GABRB1: variants seen among roughly 807,000 people sequenced by gnomAD.
GABRB1 encodes gamma-aminobutyric acid type A receptor subunit beta1, also known as gamma-aminobutyric acid receptor subunit beta-1.
GABRB1 carries 17 observed loss-of-function variants against 51.6 expected under a neutral mutation model. The ratio of observed to expected loss-of-function variants is 0.33; its 90% CI spans 0.23 to 0.49. The LOEUF (loss-of-function observed/expected upper bound fraction) is 0.49, where lower values mean the gene tolerates loss of function less well. Ranked by LOEUF, GABRB1 falls within the 20% of genes least tolerant of loss-of-function variation. GABRB1 has a pLI of 0.99. For synonymous variants in GABRB1, 247 were observed against 218.9 expected (o/e 1.13, Z -1.14); for missense variants, 410 against 600.6 (o/e 0.68, Z 3.32).
At chr4:47,254,952 A>G (rs1218696249) in intron 4 of GABRB1, among the ~76,000 whole-genome samples, 1 of 152,190 alleles carries the variant, frequency 6.6e-6, no homozygotes, top group Non-Finnish European at 1.5e-5. Context: ...CATCTCATAC[A>G]ATTCTGCCTA....
At chr4:47,191,033 C>T (rs1452787714) in intron 4 of GABRB1, among the ~76,000 whole-genome samples, 1 of 152,114 alleles carries the variant, frequency 6.6e-6, no homozygotes, top group Non-Finnish European at 1.5e-5. Flanking sequence ...GGTCATTAAG[C>T]TCCCAGCAAA....
chr4:47,402,836 T>A (rs1728440961), intron 5 of GABRB1, among the ~76,000 whole-genome samples: 1 of 151,894 alleles, frequency 6.6e-6, no homozygotes, highest in East Asian at 1.9e-4. Context: ...ATGTAGTTTT[T>A]AATGTCTTAA....
intron 3 of GABRB1, among the ~76,000 whole-genome samples, chr4:47,038,019 G>T (rs1725671878): frequency 6.6e-6 from 1 of 152,126 alleles, no homozygotes; most frequent in Admixed American, 6.5e-5. Context: ...TTTGTAAAAT[G>T]AAGCTAAATT....
At chr4:47,169,470 T>C (rs1430164465) in intron 4 of GABRB1, among the ~76,000 whole-genome samples, 2 of 152,022 alleles carry the variant, frequency 1.3e-5, no homozygotes, top group African/African-American at 4.8e-5. Context: ...CCTTACAAAG[T>C]GATTTTGCAA....
chr4:47,269,085 G>T (rs1722755159), intron 4 of GABRB1, among the ~76,000 whole-genome samples: 1 of 152,128 alleles, frequency 6.6e-6, no homozygotes, highest in Non-Finnish European at 1.5e-5. Context: ...ATTTTGGTCT[G>T]AATTTAAGCA....
At chr4:47,227,505 G>T (rs1228594094) in intron 4 of GABRB1, among the ~76,000 whole-genome samples, 1 of 152,148 alleles carries the variant, frequency 6.6e-6, no homozygotes, top group Non-Finnish European at 1.5e-5. Context: ...GGAAGAATTA[G>T]ATAGAGAATC....
At chr4:47,053,239 A>G (rs1356372304) in intron 3 of GABRB1, among the ~76,000 whole-genome samples, 3 of 152,208 alleles carry the variant, frequency 2.0e-5, no homozygotes, top group African/African-American at 4.8e-5. Context: ...TCAGGCTGCT[A>G]TACCAAAATT....
At chr4:47,180,895 A>G (rs1718914806) in intron 4 of GABRB1, among the ~76,000 whole-genome samples, 1 of 152,128 alleles carries the variant, frequency 6.6e-6, no homozygotes, top group Admixed American at 6.6e-5. Context: ...TTGAATTAAG[A>G]TTAACACTAA....
At chr4:47,151,048 A>G (rs956571536) in intron 3 of GABRB1, among the ~76,000 whole-genome samples, 1 of 152,000 alleles carries the variant, frequency 6.6e-6, no homozygotes, top group East Asian at 1.9e-4. Flanking sequence ...CCCAGGGACT[A>G]TCAAGAGACT....
intron 3 of GABRB1, among the ~76,000 whole-genome samples, chr4:47,110,950 A>G (rs1460362762): frequency 6.6e-6 from 1 of 152,206 alleles, no homozygotes; most frequent in Non-Finnish European, 1.5e-5. Context: ...AGGCAAGTGA[A>G]TTTAGATTAT....
chr4:47,332,982 T>C (rs1380401173), intron 5 of GABRB1, among the ~76,000 whole-genome samples: 1 of 151,398 alleles, frequency 6.6e-6, no homozygotes, highest in African/African-American at 2.4e-5. Flanking sequence ...CAATGGACCC[T>C]GCCTTACATT....
chr4:47,411,563 A>G (rs1438932585), intron 8 of GABRB1, among the ~76,000 whole-genome samples: 1 of 152,226 alleles, frequency 6.6e-6, no homozygotes, highest in Non-Finnish European at 1.5e-5. Flanking sequence ...TCATTGCAGT[A>G]ATGGAATAGT....
intron 8 of GABRB1, among the ~76,000 whole-genome samples, chr4:47,425,076 C>T (rs533349436): frequency 1.3e-5 from 2 of 152,156 alleles, no homozygotes; most frequent in African/African-American, 4.8e-5. Flanking sequence ...CAAACCTTAA[C>T]ATCTAACAAC....
chr4:47,043,418 T>C (rs1725943869), intron 3 of GABRB1: 1 of 152,092 alleles, frequency 6.6e-6, no homozygotes, highest in African/African-American at 2.4e-5. Flanking sequence ...AGGAATTTCA[T>C]AACGTGGTTC....
At chr4:47,366,109 C>T (rs746423838) in intron 5 of GABRB1, among the ~76,000 whole-genome samples, 1 of 152,148 alleles carries the variant, frequency 6.6e-6, no homozygotes, top group Admixed American at 6.5e-5. Flanking sequence ...CTCATACTAC[C>T]CATAGACTCA....
intron 1 of GABRB1, among the ~76,000 whole-genome samples, chr4:47,024,328 G>A (rs1024396688): frequency 2.6e-5 from 4 of 151,776 alleles, no homozygotes; most frequent in African/African-American, 7.3e-5. Context: ...ATATTTTTAT[G>A]TGAGGGTTCA....
chr4:47,172,476 T>C (rs973445276), intron 4 of GABRB1, among the ~76,000 whole-genome samples: 1 of 152,068 alleles, frequency 6.6e-6, no homozygotes, highest in Non-Finnish European at 1.5e-5. Context: ...ATAACTCTTG[T>C]TTTCCTTACC....
chr4:47,032,340 C>A, intron 2 of GABRB1, 77 bp from the exon 3 acceptor site: 1 of 1,304,930 alleles, frequency 7.7e-7, no homozygotes. Flanking sequence ...GGAGTAAGGG[C>A]TGGGAAGCCC....
intron 4 of GABRB1, among the ~76,000 whole-genome samples, chr4:47,287,991 A>G (rs1289911132): frequency 1.3e-5 from 2 of 152,230 alleles, no homozygotes; most frequent in East Asian, 3.8e-4. Flanking sequence ...CTTGATTGCA[A>G]CCTTGTGAAA....
Sources: gnomAD v4.1 joint callset for allele counts (sites outside exome capture counted in the v4.1 genomes callset) on GRCh38, gnomAD v4.1.1 for gene constraint, MANE v1.5 for transcripts, NCBI Gene and HGNC (gene_info 2026-07-23, HGNC 2026-07-21) for gene names.